PDHA1: variants seen among roughly 807,000 people sequenced by gnomAD.
The protein encoded by PDHA1 is pyruvate dehydrogenase E1 component subunit alpha, somatic form, mitochondrial.
In PDHA1, 1 loss-of-function variant was observed where a neutral mutation model predicts 33.0. The observed-to-expected ratio is 0.03, with a 90% CI of 0.01 to 0.14. PDHA1 has a LOEUF of 0.14. PDHA1 is among the 10% of genes least tolerant of loss of function. The probability of loss-of-function intolerance (pLI) is 1.00; values close to 1 mark genes in which losing one functional copy is unlikely to be tolerated. For missense variants in PDHA1, 168 were observed against 325.1 expected, an observed-to-expected ratio of 0.52 and a Z score of 3.72; for synonymous variants, 123 against 119.2, an observed-to-expected ratio of 1.03 and a Z score of -0.21.
intron 8 of PDHA1, 126 bp from the exon 9 acceptor site, chrX:19,357,526 C>A: frequency 1.7e-6 from 1 of 582,284 alleles, no homozygotes; most frequent in East Asian, 3.3e-5. Flanking sequence ...TTCGTGACAA[C>A]TCAGAAGATC....
chrX:19,357,356 A>AAAGT (rs766671054), intron 8 of PDHA1: 13 of 324,564 alleles, frequency 4.0e-5, no homozygotes, highest in African/African-American at 1.9e-4. Context: ...TCAGCTTCCC[A>AAAGT]AAGTGCTGGG....
rs2063210211 is a variant in PDHA1 at position 19,357,393 on chromosome X, G to GCCTTCAAAGCCT, written c.832-258_832-247dup. 7.9e-6 allele frequency: 3 copies of GCCTTCAAAGCCT among 379,287 alleles called. No homozygotes were observed. The South Asian group carries it at 1.0e-4, about 13-fold the overall frequency. The allele number at this position is 379,287 out of a possible 1,213,427, so 31.3% of individuals were successfully genotyped here. A position where few individuals can be genotyped will look rare whatever the true frequency, so the allele number is the denominator to read the frequency against. On this transcript the variant is annotated intron_variant, in intron 8 of 10. Transcript: ENST00000422285. The stretch of plus-strand genomic sequence containing the variant: ...TTACAGGCATGAGCCACCATGCCTG[G>GCCTTCAAAGCCT]CCTTCAAAGCCTTTTTGATTCAAAA...
chrX:19,359,266 C>A (rs771904499), intron 10 of PDHA1, among the ~76,000 whole-genome samples: 2 of 111,705 alleles, frequency 1.8e-5, no homozygotes, highest in African/African-American at 6.5e-5. Flanking sequence ...AGTGGCAAAG[C>A]CCCCACAGTA....
rs1277703720 is a variant in PDHA1 at position 19,351,183 on chromosome X, G to C, written c.292-98G>C. 8 of 847,413 alleles carry C rather than the reference G, an allele frequency of 9.4e-6. No homozygotes were observed. In the African/African-American group the frequency reaches 1.6e-4, roughly 17 times the overall value. 69.8% of individuals were successfully genotyped at this position (847,413 alleles called of 1,213,427 possible). ...CTACTTTCTCTGGTTATTAATGACA[G>C]GTTCTACTAGCCCACATATTTCACT... On this transcript the variant is annotated intron_variant, in intron 3 of 10. Coordinates refer to ENST00000422285, the MANE Select transcript of PDHA1 (RefSeq NM_000284.4).
intron 5 of PDHA1, among the ~76,000 whole-genome samples, chrX:19,354,201 G>A (rs1360275302): frequency 8.9e-6 from 1 of 112,492 alleles, no homozygotes; most frequent in African/African-American, 3.2e-5. Flanking sequence ...AAAGTGCTGG[G>A]ATTACAGGCG....
rs1207639901 is a variant in PDHA1, at chrX:19,361,394, G to C, written c.*1741G>C. 23 of 1,207,446 alleles carry C rather than the reference G, an allele frequency of 1.9e-5. No individual in the cohort carries two copies. Among genetic ancestry groups the C allele is most frequent in the Non-Finnish European group, 2.6e-5 (23 of 892,421 alleles). On this transcript the variant is annotated 3_prime_UTR_variant, in exon 11 of 11. Coordinates refer to ENST00000422285, the MANE Select transcript of PDHA1 (RefSeq NM_000284.4). ...GTGATCTCATTAAGAATATCCGAAA[G>C]TGTATAACCCTCTTCAACAATCTGA... is the stretch of plus-strand genomic sequence containing the variant.
At position 19,356,660 on chromosome X, in the gene PDHA1, G is replaced by T; in HGVS notation, c.831+903G>T. Among the ~76,000 whole-genome samples, 2 of 110,728 alleles carry T rather than the reference G, an allele frequency of 1.8e-5. 1 individual carries two copies. Among genetic ancestry groups the T allele is most frequent in the Non-Finnish European group, 3.8e-5 (2 of 52,402 alleles). On this transcript the variant is annotated intron_variant, in intron 8 of 10. Transcript: ENST00000422285. ...AAAGAATACATGGGGGCCAGCCCTG[G>T]CTGGAGACAAGGGGAGTTGTAGAAT...
chrX:19,356,837 G>A (rs1311045335), intron 8 of PDHA1, among the ~76,000 whole-genome samples: 1 of 112,036 alleles, frequency 8.9e-6, no homozygotes, highest in Non-Finnish European at 1.9e-5. Flanking sequence ...CTCCCCACTC[G>A]CCCATTTTAA....
chrX:19,349,459 C>A, intron 2 of PDHA1, 88 bp downstream of exon 2: 1 of 580,376 alleles, frequency 1.7e-6, no homozygotes, highest in Admixed American at 2.7e-5. Context: ...TTTTGATGTT[C>A]ATGCTTAGTC....
chrX:19,352,531 C>T (rs943399513), intron 4 of PDHA1, among the ~76,000 whole-genome samples: 2 of 112,787 alleles, frequency 1.8e-5, no homozygotes, highest in African/African-American at 6.4e-5. Flanking sequence ...CCGCCGTGCC[C>T]GGCCCTCCTT....
rs202102403 is a variant in PDHA1 at position 19,360,844 on chromosome X, AAC to A, written c.*1195_*1196del. 15,729 of 1,174,388 alleles carry A rather than the reference AAC, an allele frequency of 0.013. 97 individuals carry two copies. Among genetic ancestry groups the A allele is most frequent in the Non-Finnish European group, 0.016 (14,164 of 869,975 alleles). Reference sequence around the variant, plus strand: ...CAGAGGAGACCACCCCTGGGAAACAAACACAGCTGTCTTCAGAGTCAGTGCTT... The same window carrying A: ...CAGAGGAGACCACCCCTGGGAAACAAACAGCTGTCTTCAGAGTCAGTGCTT... On this transcript the variant is annotated 3_prime_UTR_variant, in exon 11 of 11. Coordinates refer to ENST00000422285, the MANE Select transcript of PDHA1 (RefSeq NM_000284.4).
At chrX:19,358,700 C>T (rs552952143) in intron 9 of PDHA1, among the ~76,000 whole-genome samples, 2 of 111,983 alleles carry the variant, frequency 1.8e-5, no homozygotes, top group South Asian at 7.4e-4. Context: ...GCAGTTATTA[C>T]AGAATGTTAG....
At chrX:19,359,227 G>C (rs756661835) in intron 10 of PDHA1, among the ~76,000 whole-genome samples, 1 of 111,697 alleles carries the variant, frequency 9.0e-6, no homozygotes, top group Non-Finnish European at 1.9e-5. Flanking sequence ...TCAGATTTCA[G>C]ATTTTGGTGG....
intron 9 of PDHA1, among the ~76,000 whole-genome samples, 185 bp downstream of exon 9, chrX:19,357,904 TAC>T (rs762520975): frequency 2.5e-4 from 28 of 112,676 alleles, no homozygotes; most frequent in Non-Finnish European, 4.1e-4. Context: ...TGAAAATGCC[TAC>T]AGTGTATAGT....
At position 19,361,339 on chromosome X, in the gene PDHA1, C is replaced by A. The variant is rs753516995; in HGVS notation, c.*1686C>A. The A allele has an allele frequency of 5.0e-6, 6 of 1,197,102 alleles. No individual in the cohort carries two copies. Among genetic ancestry groups the A allele is most frequent in the Non-Finnish European group, 3.4e-6 (3 of 883,732 alleles). On this transcript the variant is annotated 3_prime_UTR_variant, in exon 11 of 11. Transcript: ENST00000422285. ...ATACAAACTGTTTTGAGGCTCTTAC[C>A]GTAGTCGAAGGTATCTTAGATCTTC...
chrX:19,350,641 C>T (rs1235074333), intron 3 of PDHA1, among the ~76,000 whole-genome samples: 1 of 112,582 alleles, frequency 8.9e-6, no homozygotes, highest in Non-Finnish European at 1.9e-5. Context: ...TTCATTCACA[C>T]ATAACATTGC....
intron 8 of PDHA1, among the ~76,000 whole-genome samples, chrX:19,357,126 G>T (rs1245923003): frequency 8.9e-6 from 1 of 112,451 alleles, no homozygotes; most frequent in Non-Finnish European, 1.9e-5. Flanking sequence ...TCTAGAACAT[G>T]CTCAGAGCCT....
intron 6 of PDHA1, among the ~76,000 whole-genome samples, chrX:19,354,808 C>T (rs1317791416): frequency 8.9e-6 from 1 of 112,805 alleles, no homozygotes; most frequent in Admixed American, 9.4e-5. Flanking sequence ...CACCTTTGCT[C>T]TACATCAGTG....
chrX:19,344,152 G>GGGCAGGGCGGGCCA, intron 1 of PDHA1, 58 bp downstream of exon 1: 1 of 1,046,602 alleles, frequency 9.6e-7, no homozygotes, highest in South Asian at 2.0e-5. Context: ...CGGGGCCGGA[G>GGGCAGGGCGGGCCA]GGCAGGGCGG....
Sources: allele counts gnomAD v4.1 joint callset (sites outside exome capture counted in the v4.1 genomes callset), GRCh38; gene constraint gnomAD v4.1.1; transcripts MANE v1.5; gene names NCBI Gene and HGNC (gene_info 2026-07-23, HGNC 2026-07-21).